Variants in MYO18B observed in about 807,000 individuals in gnomAD.
MYO18B encodes the protein unconventional myosin-XVIIIb.
In MYO18B, 204 loss-of-function variants were observed where a neutral mutation model predicts 273.0. The ratio of observed to expected loss-of-function variants is 0.75; its 90% CI spans 0.67 to 0.84. The LOEUF (loss-of-function observed/expected upper bound fraction) is 0.84, where lower values mean the gene tolerates loss of function less well. Among genes scored for constraint, MYO18B ranks in the 40% least tolerant of loss-of-function variants. The pLI, the probability that MYO18B is intolerant of heterozygous loss-of-function variation, is 0.00. For missense variants in MYO18B, 3,212 were observed against 3,287.6 expected (o/e 0.98, Z 0.56); for synonymous variants, 1,330 against 1,305.7 (o/e 1.02, Z -0.40).
intron 22 of MYO18B, 47 bp downstream of exon 22, chr22:25,868,432 C>T: frequency 2.0e-6 from 3 of 1,470,334 alleles, no homozygotes; most frequent in Non-Finnish European, 2.8e-6. Context: ...ACATCAGGGA[C>T]CCAGAGATGA....
At chr22:25,944,842 A>T (rs532276250) in intron 34 of MYO18B, among the ~76,000 whole-genome samples, 52 of 137,882 alleles carry the variant, frequency 3.8e-4, no homozygotes, top group African/African-American at 1.4e-3. Context: ...GCAAGACTCC[A>T]TCTCAAAAAA....
intron 42 of MYO18B, among the ~76,000 whole-genome samples, chr22:26,005,199 A>G (rs1199521847): frequency 6.6e-6 from 1 of 152,226 alleles, no homozygotes; most frequent in Non-Finnish European, 1.5e-5. Context: ...AATAGTTGTT[A>G]TAGTTGCCTT....
At chr22:25,758,722 T>A (rs1337541733) in intron 1 of MYO18B, among the ~76,000 whole-genome samples, 1 of 151,600 alleles carries the variant, frequency 6.6e-6, no homozygotes, top group African/African-American at 2.4e-5. Context: ...TGACAGTAAA[T>A]GGGCATGAAA....
rs1191232062 is a variant in MYO18B at position 25,768,976 on chromosome 22, C to G, written c.1060C>G (p.Gln354Glu). 6.2e-7 allele frequency: 1 copy of G among 1,611,366 alleles called. No individual in the cohort carries two copies. The highest frequency in any genetic ancestry group is 2.2e-5 in the East Asian group (1 of 44,824). ...AGAGAAGACAGGTGAGCCTCAGACC[C>G]AGATGGAGAAGACAAGCCAAGTGCA... ...KAEKTGEPQT[Q>E]MEKTSQVQGE... Residue 354 changes from glutamine (Q) to glutamate (E), a missense_variant, in exon 4 of 44, where the codon CAG (glutamine) becomes GAG (glutamate). Gln to Glu is a conservative substitution (Grantham distance 29). Transcript: ENST00000335473.
At chr22:26,017,256 T>G (rs1018348463) in intron 42 of MYO18B, among the ~76,000 whole-genome samples, 1 of 151,924 alleles carries the variant, frequency 6.6e-6, no homozygotes, top group African/African-American at 2.4e-5. Context: ...AGCTTCTACT[T>G]TGATAGTTGT....
In MYO18B at chr22:25,768,831, AG is replaced by A; in HGVS notation, c.918del (p.Lys307SerfsTer3). 1.9e-6 allele frequency: 3 copies of A among 1,611,964 alleles called. No homozygotes were observed. The highest frequency in any genetic ancestry group is 2.5e-6 in the Non-Finnish European group (3 of 1,179,038). Reference sequence around the variant, plus strand: ...ATGTCTCTAAGGACGTAGGGAGTGAAGGGAAGCACGTAAGGCCCCAAATCCC... The same window carrying A: ...ATGTCTCTAAGGACGTAGGGAGTGAAGGAAGCACGTAAGGCCCCAAATCCC... ...GNVSKDVGSEGKHVRPQIPGR... is the reference protein window; with the variant it reads ...GNVSKDVGSEXKHVRPQIPGR... On this transcript the variant is annotated frameshift_variant, in exon 4 of 44. Transcript: ENST00000335473. LOFTEE classifies it high-confidence loss of function.
chr22:25,976,525 A>G (rs950661407), intron 39 of MYO18B, among the ~76,000 whole-genome samples: 4 of 152,216 alleles, frequency 2.6e-5, no homozygotes, highest in African/African-American at 9.6e-5. Context: ...TCAGGTCCAG[A>G]AATCATTGTC....
chr22:25,779,335 T>TTAGTTAATTATTAATGAATTAAC (rs2087043706), intron 8 of MYO18B, among the ~76,000 whole-genome samples: 1 of 152,226 alleles, frequency 6.6e-6, no homozygotes, highest in Non-Finnish European at 1.5e-5. Flanking sequence ...CTAGATTTAA[T>TTAGTTAATTATTAATGAATTAAC]TAGTTAATTA....
chr22:26,009,599 A>G (rs1934719808), intron 42 of MYO18B, among the ~76,000 whole-genome samples: 2 of 152,286 alleles, frequency 1.3e-5, no homozygotes, highest in African/African-American at 4.8e-5. Flanking sequence ...GCTTCCAGAG[A>G]CACAAATCAG....
At chr22:25,928,167 T>A (rs1471353897) in intron 34 of MYO18B, among the ~76,000 whole-genome samples, 1 of 151,982 alleles carries the variant, frequency 6.6e-6, no homozygotes, top group East Asian at 1.9e-4. Flanking sequence ...AGCCAGTTCA[T>A]GAATGGTTTA....
At chr22:25,889,934 T>C (rs2091612653) in intron 25 of MYO18B, among the ~76,000 whole-genome samples, 1 of 152,228 alleles carries the variant, frequency 6.6e-6, no homozygotes, top group Admixed American at 6.5e-5. Flanking sequence ...AACCGTATGA[T>C]TTCCAATTTT....
intron 25 of MYO18B, among the ~76,000 whole-genome samples, chr22:25,886,210 G>A (rs185904730): frequency 6.6e-6 from 1 of 152,208 alleles, no homozygotes; most frequent in Non-Finnish European, 1.5e-5. Flanking sequence ...GGTGGCGATG[G>A]TTATTATTAT....
At chr22:26,057,520 G>T in the MYO18B span, among the ~76,000 whole-genome samples, 1 of 140,974 alleles carries the variant, frequency 7.1e-6, no homozygotes, top group Admixed American at 7.0e-5. Context: ...TGACTGCAAA[G>T]TCACTTTTTT....
At chr22:25,804,583 G>T (rs896785027) in intron 12 of MYO18B, among the ~76,000 whole-genome samples, 14 of 152,242 alleles carry the variant, frequency 9.2e-5, no homozygotes, top group African/African-American at 3.4e-4. Flanking sequence ...CATAGTTGAG[G>T]TTTTCTTCTG....
chr22:25,938,029 G>A (rs2092601643), intron 34 of MYO18B, among the ~76,000 whole-genome samples: 1 of 152,194 alleles, frequency 6.6e-6, no homozygotes, highest in African/African-American at 2.4e-5. Flanking sequence ...CAAGGCCTGG[G>A]ATGTGTTGAG....
rs530765755 is a variant in MYO18B, at chr22:25,773,755, G to A, written c.1869+1245G>A. On this transcript the variant is annotated intron_variant, in intron 7 of 43. Transcript: ENST00000335473. ...TGGGATTACAGGCATGAGCCACTGC[G>A]CCTGGCCGATTTGTATCTATTTTTT... Among the ~76,000 whole-genome samples, 90 of 152,298 alleles carry A rather than the reference G, an allele frequency of 5.9e-4. 2 individuals are homozygous for A. The Middle Eastern group carries it at 0.014, about 23-fold the overall frequency.
At chr22:25,975,365 C>A (rs1431694615) in intron 39 of MYO18B, among the ~76,000 whole-genome samples, 1 of 152,146 alleles carries the variant, frequency 6.6e-6, no homozygotes, top group African/African-American at 2.4e-5. Flanking sequence ...TATGTTCCGC[C>A]GCTGTGAGCC....
intron 7 of MYO18B, among the ~76,000 whole-genome samples, chr22:25,776,764 T>C (rs2086931173): frequency 6.6e-6 from 1 of 152,206 alleles, no homozygotes; most frequent in Non-Finnish European, 1.5e-5. Flanking sequence ...TTTTGATTTC[T>C]TTAGGGTAAA....
intron 39 of MYO18B, among the ~76,000 whole-genome samples, chr22:25,956,508 G>T (rs541222005): frequency 6.6e-6 from 1 of 152,166 alleles, no homozygotes; most frequent in South Asian, 2.1e-4. Context: ...GAGCCACTGC[G>T]CCCGGCCCCA....
Sources: allele counts gnomAD v4.1 joint callset (sites outside exome capture counted in the v4.1 genomes callset), GRCh38; gene constraint gnomAD v4.1.1; transcripts MANE v1.5; gene names NCBI Gene and HGNC (gene_info 2026-07-23, HGNC 2026-07-21).